The following AGTPBP1 variants were observed in gnomAD, a reference collection of about 807,000 sequenced individuals.
The protein encoded by AGTPBP1 is cytosolic carboxypeptidase 1.
AGTPBP1 carries 70 observed loss-of-function variants against 143.9 expected under a neutral mutation model. The observed-to-expected ratio is 0.49, with a 90% CI of 0.40 to 0.59. AGTPBP1 has a LOEUF of 0.59. Ranked by LOEUF, AGTPBP1 falls within the 20% of genes least tolerant of loss-of-function variation. The pLI, the probability that AGTPBP1 is intolerant of heterozygous loss-of-function variation, is 0.00. For missense variants in AGTPBP1, 1,229 were observed against 1,464.5 expected, an observed-to-expected ratio of 0.84 and a Z score of 2.62; for synonymous variants, 463 against 500.2, an observed-to-expected ratio of 0.93 and a Z score of 0.99.
chr9:85,706,805 G>C (rs1166647514), intron 2 of AGTPBP1, among the ~76,000 whole-genome samples: 1 of 151,624 alleles, frequency 6.6e-6, no homozygotes, highest in African/African-American at 2.4e-5. Context: ...AAACCCGGGA[G>C]GCAGAGCTTG....
the AGTPBP1 span, chr9:85,770,240 G>A: frequency 7.9e-7 from 1 of 1,266,610 alleles, no homozygotes. Context: ...CAAAGTCAAA[G>A]TTATACTATT....
chr9:85,693,503 CAGG>C (rs1172382302), intron 2 of AGTPBP1, among the ~76,000 whole-genome samples: 2 of 152,156 alleles, frequency 1.3e-5, no homozygotes, highest in African/African-American at 4.8e-5. Context: ...GAGGCTGAGA[CAGG>C]AGAATTGCTT....
chr9:85,803,383 C>A, the AGTPBP1 span, among the ~76,000 whole-genome samples: 1 of 152,180 alleles, frequency 6.6e-6, no homozygotes, highest in Non-Finnish European at 1.5e-5. Context: ...TTCTGCATTA[C>A]CCTATTCTCC....
chr9:85,628,403 G>A (rs1032841407), intron 14 of AGTPBP1, among the ~76,000 whole-genome samples: 1 of 152,078 alleles, frequency 6.6e-6, no homozygotes, highest in Admixed American at 6.6e-5. Flanking sequence ...AAAACACAGG[G>A]TATACAAATC....
the AGTPBP1 span, chr9:85,786,275 C>G: frequency 6.3e-7 from 1 of 1,597,420 alleles, no homozygotes; most frequent in African/African-American, 1.3e-5. Context: ...GAAGATATCC[C>G]AGAATTACCT....
chr9:85,674,501 G>GT (rs200193414), intron 6 of AGTPBP1, among the ~76,000 whole-genome samples: 30 of 151,404 alleles, frequency 2.0e-4, no homozygotes, highest in Non-Finnish European at 3.2e-4. Context: ...TAAATAAGGG[G>GT]TTTTTTTTAA....
intron 13 of AGTPBP1, among the ~76,000 whole-genome samples, chr9:85,641,461 T>G (rs1322894166): frequency 6.6e-6 from 1 of 152,154 alleles, no homozygotes; most frequent in Non-Finnish European, 1.5e-5. Context: ...TTCTTTTTTT[T>G]TTCTTTTGAC....
In AGTPBP1 at chr9:85,585,556, ATTC is replaced by A. The variant is rs761930709; in HGVS notation, c.3069_3071del (p.Lys1023del). ...TGATGCTGCAACCATACATAAATAC[ATTC>A]TTCTTTCGGGAATGGCCATGATAAT... On this transcript the variant is annotated inframe_deletion, in exon 23 of 26. Transcript: ENST00000357081. The A allele has an allele frequency of 6.2e-7, 1 of 1,608,772 alleles. No individual in the cohort carries two copies. The highest frequency in any genetic ancestry group is 1.1e-5 in the South Asian group (1 of 89,882).
chr9:85,625,895 C>G (rs1315245897), intron 14 of AGTPBP1, among the ~76,000 whole-genome samples: 1 of 129,504 alleles, frequency 7.7e-6, no homozygotes, highest in African/African-American at 3.1e-5. Flanking sequence ...AAAAAAAAAA[C>G]CTAGTTTTGT....
At chr9:85,606,459 C>T (rs541612064) in intron 17 of AGTPBP1, among the ~76,000 whole-genome samples, 46 of 150,090 alleles carry the variant, frequency 3.1e-4, no homozygotes, top group Non-Finnish European at 5.3e-4. Flanking sequence ...TTGGTGGGAA[C>T]GTAAATTAGT....
chr9:85,763,527 A>T, the AGTPBP1 span, among the ~76,000 whole-genome samples: 1 of 151,628 alleles, frequency 6.6e-6, no homozygotes, highest in South Asian at 2.1e-4. Flanking sequence ...AAGCATGATC[A>T]TTTCATACTA....
At chr9:85,774,023 A>T in the AGTPBP1 span, 1 of 1,601,530 alleles carries the variant, frequency 6.2e-7, no homozygotes, top group South Asian at 1.1e-5. Context: ...AGTTGCTGTT[A>T]CATCATTTCA....
chr9:85,644,970 C>A (rs1244879464), intron 12 of AGTPBP1, among the ~76,000 whole-genome samples: 1 of 151,988 alleles, frequency 6.6e-6, no homozygotes, highest in Non-Finnish European at 1.5e-5. Flanking sequence ...GCCAACAATT[C>A]CATAGTTCTT....
At chr9:85,741,229 G>A in intron 1 of AGTPBP1, 1 of 985,458 alleles carries the variant, frequency 1.0e-6, no homozygotes, top group Non-Finnish European at 1.2e-6. Flanking sequence ...CACCCAGCGA[G>A]AGGAAGCAAA....
At chr9:85,592,848 A>C in intron 18 of AGTPBP1, 144 bp from the exon 19 acceptor site, 3 of 891,410 alleles carry the variant, frequency 3.4e-6, no homozygotes, top group Non-Finnish European at 5.2e-6. Context: ...TTTTAAAAAA[A>C]CTTAGTACTA....
intron 23 of AGTPBP1, among the ~76,000 whole-genome samples, chr9:85,583,733 C>T (rs1828429586): frequency 6.6e-6 from 1 of 152,054 alleles, no homozygotes; most frequent in African/African-American, 2.4e-5. Flanking sequence ...ATCAACCCAC[C>T]TAACAACAAA....
chr9:85,753,067 A>G, the AGTPBP1 span, among the ~76,000 whole-genome samples: 2 of 152,152 alleles, frequency 1.3e-5, no homozygotes, highest in Non-Finnish European at 2.9e-5. Flanking sequence ...TCTCAAATAG[A>G]GCCCCAACTG....
intron 1 of AGTPBP1, among the ~76,000 whole-genome samples, chr9:85,713,424 A>C (rs1200307428): frequency 6.6e-6 from 1 of 152,100 alleles, no homozygotes; most frequent in Non-Finnish European, 1.5e-5. Flanking sequence ...CCAGCTACTC[A>C]GGAGGCTGAG....
rs776693753 is a variant in AGTPBP1 at position 85,589,656 on chromosome 9, G to A, written c.2594C>T (p.Ala865Val). ...LQMHLQKLES[A>V]HNPQQIYFRK... ...AAAATAGATTTGCTGAGGATTGTGT[G>A]CTGATTCCAATTTTTGAAGATGCAT... The change falls in exon 20 of 26, where the codon GCA becomes GTA. Residue 865 changes from alanine (A) to valine (V), a missense_variant. Ala to Val is a moderately conservative substitution (Grantham distance 64). Coordinates refer to ENST00000357081, the MANE Select transcript of AGTPBP1 (RefSeq NM_001330701.2). 9.4e-6 allele frequency: 15 copies of A among 1,602,128 alleles called. No individual in the cohort carries two copies. The highest frequency in any genetic ancestry group is 1.1e-5 in the Non-Finnish European group (13 of 1,176,932).
Sources: gnomAD v4.1 joint callset for allele counts (sites outside exome capture counted in the v4.1 genomes callset) on GRCh38, gnomAD v4.1.1 for gene constraint, MANE v1.5 for transcripts, NCBI Gene and HGNC (gene_info 2026-07-23, HGNC 2026-07-21) for gene names.